Variants in SLC1A2 observed in about 807,000 individuals in gnomAD.
The protein encoded by SLC1A2 is excitatory amino acid transporter 2.
Under a neutral mutation model 48.8 loss-of-function variants are expected in SLC1A2, and 15 were observed. The ratio of observed to expected loss-of-function variants is 0.31; its 90% confidence interval spans 0.21 to 0.47. The LOEUF (loss-of-function observed/expected upper bound fraction) is 0.47. SLC1A2 is among the 20% of genes least tolerant of loss of function. The pLI, the probability that SLC1A2 is intolerant of heterozygous loss-of-function variation, is 0.99. For synonymous variants in SLC1A2, 279 were observed against 272.6 expected (o/e 1.02, Z -0.23); for missense variants, 502 against 730.5 (o/e 0.69, Z 3.61).
intron 1 of SLC1A2, among the ~76,000 whole-genome samples, chr11:35,397,859 T>C (rs1855013839): frequency 6.6e-6 from 1 of 152,188 alleles, no homozygotes; most frequent in South Asian, 2.1e-4. Context: ...TCCACAACTA[T>C]GAGAAATAAA....
At chr11:35,309,461 G>A (rs1851619059) in intron 4 of SLC1A2, among the ~76,000 whole-genome samples, 1 of 152,208 alleles carries the variant, frequency 6.6e-6, no homozygotes, top group Non-Finnish European at 1.5e-5. Context: ...CTTACAGCCA[G>A]TTACTGTCTT....
At chr11:35,384,614 T>G (rs1460028716) in intron 1 of SLC1A2, among the ~76,000 whole-genome samples, 1 of 152,220 alleles carries the variant, frequency 6.6e-6, no homozygotes, top group Non-Finnish European at 1.5e-5. Flanking sequence ...TTGAAGATTA[T>G]TTGCTTGTTG....
chr11:35,355,822 T>C (rs1005462181), intron 1 of SLC1A2, among the ~76,000 whole-genome samples: 1 of 151,272 alleles, frequency 6.6e-6, no homozygotes, highest in Non-Finnish European at 1.5e-5. Flanking sequence ...GAAGCAGAGG[T>C]TGCAGTGAGT....
At chr11:35,267,572 A>G (rs983663158) in intron 9 of SLC1A2, among the ~76,000 whole-genome samples, 5 of 152,162 alleles carry the variant, frequency 3.3e-5, no homozygotes, top group Non-Finnish European at 7.4e-5. Context: ...TCCCCCTGAA[A>G]ACATTAACCC....
chr11:35,354,297 A>T (rs891795008), intron 1 of SLC1A2, among the ~76,000 whole-genome samples: 1 of 151,952 alleles, frequency 6.6e-6, no homozygotes, highest in African/African-American at 2.4e-5. Flanking sequence ...ACAAAAAAAA[A>T]ATTTTTTTTT....
At chr11:35,381,245 G>A (rs892166073) in intron 1 of SLC1A2, among the ~76,000 whole-genome samples, 6 of 152,134 alleles carry the variant, frequency 3.9e-5, no homozygotes, top group African/African-American at 1.4e-4. Context: ...ACAGTGGTCA[G>A]CCCAAGAATG....
rs1407392964 is a variant in SLC1A2, at chr11:35,293,489, C to A, written c.858-969G>T. Among the ~76,000 whole-genome samples the A allele has an allele frequency of 2.0e-5, 3 of 152,196 alleles. No individual in the cohort carries two copies. In the East Asian group the frequency reaches 5.8e-4, roughly 29 times the overall value. On this transcript the variant is annotated intron_variant, in intron 6 of 10. Coordinates refer to ENST00000278379, the MANE Select transcript of SLC1A2 (RefSeq NM_004171.4). ...ACTTTGGTCCTCACTCTTGGGAAAG[C>A]TATTTTCTCTCTCAACCTGAATATA... is the stretch of plus-strand genomic sequence containing the variant.
chr11:35,299,019 A>G (rs1851257826), intron 6 of SLC1A2: 1 of 152,190 alleles, frequency 6.6e-6, no homozygotes, highest in South Asian at 2.1e-4. Context: ...GTCTCAACAG[A>G]CTCAGATGAA....
In SLC1A2 at chr11:35,307,880, C is replaced by T. The variant is rs937873831; in HGVS notation, c.562-1638G>A. 7.9e-5 allele frequency among the ~76,000 whole-genome samples: 12 copies of T among 152,118 alleles called. 1 individual carries two copies. The highest frequency in any genetic ancestry group is 2.1e-4 in the South Asian group (1 of 4,820). ...CTGTTCTAGCCTGGCCACATGTACT[C>T]GTGCAGGGAGAGAGGAAGCCTAGGG... is the stretch of plus-strand genomic sequence containing the variant. On this transcript the variant is annotated intron_variant, in intron 4 of 10. Coordinates refer to ENST00000278379, the MANE Select transcript of SLC1A2 (RefSeq NM_004171.4).
rs1375383473 is a variant in SLC1A2 at position 35,254,838 on chromosome 11, A to T, written c.*6056T>A. 3 of 454,828 alleles carry T rather than the reference A, an allele frequency of 6.6e-6. No individual in the cohort carries two copies. The highest frequency in any genetic ancestry group is 1.3e-5 in the Non-Finnish European group (3 of 226,608). 28.2% of individuals were successfully genotyped at this position (454,828 alleles called of 1,614,324 possible). On this transcript the variant is annotated 3_prime_UTR_variant, in exon 11 of 11. Coordinates refer to ENST00000278379, the MANE Select transcript of SLC1A2 (RefSeq NM_004171.4). The stretch of plus-strand genomic sequence containing the variant: ...GTAAAAACCAGAAGGATTTTGTAAA[A>T]TATCAAAATGAATATTTGGCCTGGA...
At chr11:35,385,981 C>T (rs1351558522) in intron 1 of SLC1A2, among the ~76,000 whole-genome samples, 1 of 152,056 alleles carries the variant, frequency 6.6e-6, no homozygotes, top group Non-Finnish European at 1.5e-5. Flanking sequence ...TCCTGGCTAA[C>T]ATGGTGAAAC....
chr11:35,291,611 GTT>G (rs1851011798), intron 7 of SLC1A2: 2 of 152,026 alleles, frequency 1.3e-5, no homozygotes, highest in Admixed American at 1.3e-4. Context: ...TTTTTGGTTT[GTT>G]TTTGTTAGAT....
At chr11:35,306,296 A>G (rs1162857006) in intron 4 of SLC1A2, 54 bp from the exon 5 acceptor site, 2 of 1,312,606 alleles carry the variant, frequency 1.5e-6, no homozygotes, top group Non-Finnish European at 2.1e-6. Context: ...TATAAGGTGA[A>G]AAAAAAAAAG....
chr11:35,387,379 C>T (rs2135226611), intron 1 of SLC1A2, among the ~76,000 whole-genome samples: 1 of 152,194 alleles, frequency 6.6e-6, no homozygotes, highest in South Asian at 2.1e-4. Flanking sequence ...AAATGGCTGG[C>T]TCATTTGGGT....
rs147080117 is a variant in SLC1A2, at chr11:35,337,757, C to T, written c.18-20241G>A. On this transcript the variant is annotated intron_variant, in intron 1 of 10. Transcript: ENST00000278379. ...TGCTGCCTCTTATCTGAGCCTAAGA[C>T]TCATCTATAAAATGAGATGTTTGAG... Among the ~76,000 whole-genome samples, 303 of 152,278 alleles carry T rather than the reference C, an allele frequency of 2.0e-3. 2 individuals carry two copies. Among genetic ancestry groups the T allele is most frequent in the African/African-American group, 7.1e-3 (295 of 41,558 alleles).
chr11:35,261,527 T>C, intron 10 of SLC1A2: 1 of 396,572 alleles, frequency 2.5e-6, no homozygotes, highest in Non-Finnish European at 4.4e-6. Context: ...AATGTTTATC[T>C]AAATTACTTC....
At chr11:35,345,052 C>A (rs547551157) in intron 1 of SLC1A2, among the ~76,000 whole-genome samples, 1 of 109,994 alleles carries the variant, frequency 9.1e-6, no homozygotes, top group Non-Finnish European at 2.1e-5. Flanking sequence ...GTTTTGAATG[C>A]CCCAAGAGTA....
chr11:35,363,467 A>C (rs955116952), intron 1 of SLC1A2, among the ~76,000 whole-genome samples: 2 of 151,880 alleles, frequency 1.3e-5, no homozygotes, highest in Non-Finnish European at 2.9e-5. Flanking sequence ...AGGGTTTCAA[A>C]CCTCATTTGG....
intron 4 of SLC1A2, among the ~76,000 whole-genome samples, chr11:35,306,784 A>G (rs1565229634): frequency 6.6e-6 from 1 of 152,154 alleles, no homozygotes; most frequent in South Asian, 2.1e-4. Context: ...GAGAAATGCA[A>G]TATCTGTCTT....
Sources: allele counts gnomAD v4.1 joint callset (sites outside exome capture counted in the v4.1 genomes callset), GRCh38; gene constraint gnomAD v4.1.1; transcripts MANE v1.5; gene names NCBI Gene and HGNC (gene_info 2026-07-23, HGNC 2026-07-21).